CAPSL: variants seen among roughly 807,000 people sequenced by gnomAD.
CAPSL encodes calcyphosine like.
Under a neutral mutation model 21.3 loss-of-function variants are expected in CAPSL, and 17 were observed. That is an observed-to-expected ratio of 0.80 (90% CI 0.55 to 1.20). The LOEUF (loss-of-function observed/expected upper bound fraction) is 1.20, where lower values mean the gene tolerates loss of function less well. Among genes scored for constraint, CAPSL ranks in the 50% most tolerant of loss-of-function variants. The probability of loss-of-function intolerance (pLI) is 0.00; values close to 1 mark genes in which losing one functional copy is unlikely to be tolerated. For synonymous variants in CAPSL, 102 were observed against 89.3 expected (o/e 1.14, Z -0.80); for missense variants, 289 against 259.3 (o/e 1.11, Z -0.79).
chr5:35,919,168 A>ATATAT lies in CAPSL; in HGVS notation c.137+1815_137+1816insATATA, dbSNP rs1328263175. Among the ~76,000 whole-genome samples, 21 of 113,016 alleles carry ATATAT rather than the reference A, an allele frequency of 1.9e-4. No individual in the cohort carries two copies. The East Asian group carries it at 3.0e-3, about 16-fold the overall frequency. 74.1% of individuals were successfully genotyped at this position (113,016 alleles called of 152,430 possible). On this transcript the variant is annotated intron_variant, in intron 2 of 4. Transcript: ENST00000651391. ...CTAGTATCTTTCCTGATTAAAAAAA[A>ATATAT]AAATATATATATATATATATATAAA... is the stretch of plus-strand genomic sequence containing the variant.
intron 1 of CAPSL, among the ~76,000 whole-genome samples, chr5:35,937,823 A>G: frequency 9.1e-6 from 1 of 110,458 alleles, no homozygotes. Flanking sequence ...GTAGGATTTG[A>G]GGAAAAAATA....
chr5:35,912,616 C>T lies in CAPSL; in HGVS notation c.138-2073G>A, dbSNP rs920971220. Among the ~76,000 whole-genome samples, 18 of 152,214 alleles carry T rather than the reference C, an allele frequency of 1.2e-4. 1 individual carries two copies. Among genetic ancestry groups the T allele is most frequent in the Admixed American group, 1.1e-3 (17 of 15,288 alleles). ...GGCAAACAGGGTCTGGAGTGGACCT[C>T]CAGCAAACTCCAACAGACCTGCAGC... On this transcript the variant is annotated intron_variant, in intron 2 of 4. Transcript: ENST00000651391.
intron 1 of CAPSL, among the ~76,000 whole-genome samples, chr5:35,935,758 C>T (rs188189894): frequency 1.4e-3 from 215 of 152,292 alleles, no homozygotes; most frequent in Middle Eastern, 3.4e-3. Flanking sequence ...CATTACCTAC[C>T]TCATTCTCCC....
chr5:35,927,187 A>G lies in CAPSL; in HGVS notation c.1-6067T>C, dbSNP rs193111679. ...CTTGAGACAGCACGTACTGTGAGGA[A>G]GCTGTCCTGTTGAGGAAGTCCTGCA... On this transcript the variant is annotated intron_variant, in intron 1 of 4. Transcript: ENST00000651391. 2.2e-4 allele frequency among the ~76,000 whole-genome samples: 33 copies of G among 152,306 alleles called. No homozygotes were observed. In the East Asian group the frequency reaches 6.0e-3, roughly 28 times the overall value.
intron 2 of CAPSL, among the ~76,000 whole-genome samples, chr5:35,915,936 G>A (rs1483012024): frequency 2.6e-5 from 4 of 152,176 alleles, no homozygotes; most frequent in Admixed American, 6.5e-5. Context: ...CCTGTTTGCA[G>A]ATGACATGAT....
chr5:35,913,776 G>A (rs1370599644), intron 2 of CAPSL, among the ~76,000 whole-genome samples: 7 of 152,172 alleles, frequency 4.6e-5, no homozygotes, highest in African/African-American at 1.4e-4. Flanking sequence ...AAAGACCATC[G>A]ATGCTATGAA....
At chr5:35,909,504 C>A (rs1174425990) in intron 4 of CAPSL, among the ~76,000 whole-genome samples, 1 of 152,176 alleles carries the variant, frequency 6.6e-6, no homozygotes, top group Non-Finnish European at 1.5e-5. Flanking sequence ...TTATTATAAT[C>A]AGTTCACTGG....
chr5:35,919,955 G>A (rs16902593), intron 2 of CAPSL, among the ~76,000 whole-genome samples: 3,341 of 152,206 alleles, frequency 0.022, 121 homozygotes, highest in African/African-American at 0.076. Context: ...TTGCACTAAG[G>A]ACAATGATGT....
chr5:35,912,410 TCCTCAAGTGGGTCCCTGACC>T, intron 2 of CAPSL, among the ~76,000 whole-genome samples: 1 of 152,296 alleles, frequency 6.6e-6, no homozygotes, highest in South Asian at 2.1e-4. Flanking sequence ...ACAGACTGCC[TCCTCAAGTGGGTCCCTGACC>T]CCCGAGTAGC....
At chr5:35,909,837 T>C (rs377751571) in intron 4 of CAPSL, 29 bp downstream of exon 4, 1 of 1,566,226 alleles carries the variant, frequency 6.4e-7, no homozygotes, top group African/African-American at 1.4e-5. Context: ...ATTGAAGAAA[T>C]TTCCCCTAGA....
chr5:35,909,849 T>A lies in CAPSL; in HGVS notation c.525+17A>T. The A allele has an allele frequency of 1.3e-6, 2 of 1,592,182 alleles. No individual in the cohort carries two copies. The highest frequency in any genetic ancestry group is 1.2e-5 in the South Asian group (1 of 86,000). On this transcript the variant is annotated intron_variant, in intron 4 of 4. Transcript: ENST00000651391. Reference sequence around the variant, plus strand: ...CGAATTGAAGAAATTTCCCCTAGATTAGGCTCTTTTACTTACCAATCCATC... The same window carrying A: ...CGAATTGAAGAAATTTCCCCTAGATAAGGCTCTTTTACTTACCAATCCATC...
intron 4 of CAPSL, among the ~76,000 whole-genome samples, chr5:35,906,008 C>T (rs923706022): frequency 6.6e-6 from 1 of 152,178 alleles, no homozygotes; most frequent in Non-Finnish European, 1.5e-5. Context: ...AAGTCTCAGT[C>T]CTCAAAAAGT....
intron 1 of CAPSL, among the ~76,000 whole-genome samples, chr5:35,922,931 C>A (rs1325147570): frequency 1.3e-5 from 2 of 152,196 alleles, no homozygotes; most frequent in Non-Finnish European, 2.9e-5. Flanking sequence ...CTGAGCCATT[C>A]TCTTGCCCTG....
At chr5:35,933,467 C>T (rs948398489) in intron 1 of CAPSL, among the ~76,000 whole-genome samples, 6 of 152,150 alleles carry the variant, frequency 3.9e-5, no homozygotes, top group Non-Finnish European at 8.8e-5. Flanking sequence ...CCCCCAGCAG[C>T]CTTTTGTAAA....
chr5:35,928,940 T>C (rs1010572365), intron 1 of CAPSL, among the ~76,000 whole-genome samples: 1 of 149,978 alleles, frequency 6.7e-6, no homozygotes, highest in African/African-American at 2.5e-5. Context: ...CTGGGCACTT[T>C]ATTGTTTTTA....
At chr5:35,924,982 G>T (rs1169389311) in intron 1 of CAPSL, among the ~76,000 whole-genome samples, 1 of 152,216 alleles carries the variant, frequency 6.6e-6, no homozygotes, top group African/African-American at 2.4e-5. Context: ...TCTGCCTGTA[G>T]AAGACTCTGT....
intron 2 of CAPSL, 80 bp downstream of exon 2, chr5:35,920,904 A>C: frequency 6.7e-7 from 1 of 1,485,578 alleles, no homozygotes; most frequent in Non-Finnish European, 9.1e-7. Flanking sequence ...CTTCCCCAAG[A>C]CCACGTGGCC....
intron 1 of CAPSL, among the ~76,000 whole-genome samples, chr5:35,936,311 C>T (rs1337155726): frequency 1.3e-5 from 2 of 152,128 alleles, no homozygotes. Context: ...CTAAGATTCT[C>T]AGCCATCAGT....
At chr5:35,917,373 C>A (rs578078846) in intron 2 of CAPSL, among the ~76,000 whole-genome samples, 8 of 152,270 alleles carry the variant, frequency 5.3e-5, no homozygotes, top group Middle Eastern at 3.4e-3. Context: ...TGGTTATATA[C>A]CCAAAGGATT....
Sources: gnomAD v4.1 joint callset for allele counts (sites outside exome capture counted in the v4.1 genomes callset) on GRCh38, gnomAD v4.1.1 for gene constraint, MANE v1.5 for transcripts, NCBI Gene and HGNC (gene_info 2026-07-23, HGNC 2026-07-21) for gene names.